RALYL: variants seen among roughly 807,000 people sequenced by gnomAD.
RALYL encodes RALY RNA binding protein like, also known as RNA-binding Raly-like protein.
A neutral mutation model predicts 35.1 loss-of-function variants in RALYL; 29 were observed. The ratio of observed to expected loss-of-function variants is 0.83; its 90% confidence interval spans 0.61 to 1.13. The LOEUF (loss-of-function observed/expected upper bound fraction) is 1.13. RALYL is among the 50% of genes most tolerant of loss of function. RALYL has a pLI of 0.00. For synonymous variants in RALYL, 120 were observed against 127.6 expected (o/e 0.94, Z 0.40); for missense variants, 359 against 360.4 (o/e 1.00, Z 0.03).
chr8:84,705,153 G>T (rs1339428645), intron 2 of RALYL, among the ~76,000 whole-genome samples: 1 of 152,162 alleles, frequency 6.6e-6, no homozygotes, highest in Admixed American at 6.5e-5. Flanking sequence ...TGAATGCCAG[G>T]CATTGCTCTC....
At chr8:84,246,247 C>G (rs1004776545) in intron 1 of RALYL, among the ~76,000 whole-genome samples, 2 of 152,058 alleles carry the variant, frequency 1.3e-5, no homozygotes, top group African/African-American at 4.8e-5. Flanking sequence ...TACTTTTCCC[C>G]CACTTTCACG....
At chr8:84,252,336 G>C (rs921261583) in intron 1 of RALYL, among the ~76,000 whole-genome samples, 3 of 151,982 alleles carry the variant, frequency 2.0e-5, no homozygotes, top group Non-Finnish European at 4.4e-5. Flanking sequence ...TATTATATCA[G>C]AAATCAAATT....
At chr8:84,674,008 G>A (rs1011261192) in intron 2 of RALYL, among the ~76,000 whole-genome samples, 1 of 152,152 alleles carries the variant, frequency 6.6e-6, no homozygotes, top group Non-Finnish European at 1.5e-5. Flanking sequence ...TCCTGTCCAT[G>A]AATATGGGAT....
At chr8:84,486,930 T>C (rs2054695313) in intron 1 of RALYL, among the ~76,000 whole-genome samples, 2 of 152,050 alleles carry the variant, frequency 1.3e-5, no homozygotes, top group African/African-American at 2.4e-5. Context: ...AATCGATTCA[T>C]CTTGTATCAT....
intron 1 of RALYL, among the ~76,000 whole-genome samples, chr8:84,498,977 A>T (rs557824195): frequency 2.6e-5 from 4 of 152,288 alleles, no homozygotes; most frequent in Non-Finnish European, 4.4e-5. Flanking sequence ...TTTGGAAGTT[A>T]TTCCCTTGGA....
chr8:84,624,261 C>T (rs1436514447), intron 2 of RALYL, among the ~76,000 whole-genome samples: 1 of 152,208 alleles, frequency 6.6e-6, no homozygotes, highest in Non-Finnish European at 1.5e-5. Flanking sequence ...ATTACCACAA[C>T]TGAGCTGCTA....
intron 1 of RALYL, among the ~76,000 whole-genome samples, chr8:84,426,384 A>G (rs1280914061): frequency 6.7e-6 from 1 of 148,470 alleles, no homozygotes; most frequent in East Asian, 2.0e-4. Context: ...ACATCTCCCC[A>G]TTCCTCCTGC....
intron 2 of RALYL, among the ~76,000 whole-genome samples, chr8:84,695,620 A>G (rs1050529286): frequency 6.6e-5 from 10 of 151,808 alleles, no homozygotes; most frequent in Non-Finnish European, 1.0e-4. Flanking sequence ...GTCCCCTTGT[A>G]TCTTGGACAA....
At chr8:84,682,474 C>G (rs975677950) in intron 2 of RALYL, among the ~76,000 whole-genome samples, 1 of 152,198 alleles carries the variant, frequency 6.6e-6, no homozygotes, top group East Asian at 1.9e-4. Flanking sequence ...TGGTCCTGGA[C>G]GTTTTTTGGT....
At chr8:84,395,096 T>C (rs562704568) in intron 1 of RALYL, among the ~76,000 whole-genome samples, 6 of 151,906 alleles carry the variant, frequency 3.9e-5, no homozygotes, top group Non-Finnish European at 5.9e-5. Flanking sequence ...AGACAATTGC[T>C]GACCCATTTA....
intron 8 of RALYL, among the ~76,000 whole-genome samples, chr8:84,913,060 A>G (rs1298732446): frequency 1.3e-4 from 20 of 151,670 alleles, no homozygotes; most frequent in African/African-American, 4.4e-4. Flanking sequence ...AGATAGATAG[A>G]TAGATAGATA....
At chr8:84,620,502 G>T (rs1287400661) in intron 2 of RALYL, among the ~76,000 whole-genome samples, 8 of 151,916 alleles carry the variant, frequency 5.3e-5, no homozygotes, top group South Asian at 2.1e-4. Flanking sequence ...CTTCTAAATT[G>T]TTTTCAAAGT....
chr8:84,398,254 T>C (rs1042302098), intron 1 of RALYL, among the ~76,000 whole-genome samples: 6 of 152,132 alleles, frequency 3.9e-5, no homozygotes, highest in African/African-American at 1.4e-4. Context: ...CTTTGAACAT[T>C]CCATCCACTT....
chr8:84,440,871 T>G (rs908678562), intron 1 of RALYL, among the ~76,000 whole-genome samples: 3 of 151,984 alleles, frequency 2.0e-5, no homozygotes, highest in African/African-American at 7.2e-5. Context: ...TCATTTAACT[T>G]GATTTAATCT....
chr8:84,387,803 C>CTTTTTTTTTTTTTT (rs112006834), intron 1 of RALYL, among the ~76,000 whole-genome samples: 1 of 135,522 alleles, frequency 7.4e-6, no homozygotes, highest in African/African-American at 2.7e-5. Flanking sequence ...TTCTTTCTTT[C>CTTTTTTTTTTTTTT]TTTTTTTTTT....
chr8:84,692,598 G>A (rs1838286317), intron 2 of RALYL, among the ~76,000 whole-genome samples: 1 of 151,942 alleles, frequency 6.6e-6, no homozygotes, highest in African/African-American at 2.4e-5. Context: ...AAATTAATCT[G>A]TAGATTTAGT....
chr8:84,197,711 C>G (rs1223753786), intron 1 of RALYL, among the ~76,000 whole-genome samples: 2 of 150,596 alleles, frequency 1.3e-5, no homozygotes, highest in African/African-American at 4.9e-5. Flanking sequence ...GGGAGGATAG[C>G]TTGAGCCCAG....
intron 1 of RALYL, among the ~76,000 whole-genome samples, chr8:84,486,640 A>G (rs1162390629): frequency 6.6e-6 from 1 of 152,068 alleles, no homozygotes; most frequent in Non-Finnish European, 1.5e-5. Context: ...AACATTTAAT[A>G]TGCAGCTAAA....
At chr8:84,466,978 C>G (rs555857861) in intron 1 of RALYL, among the ~76,000 whole-genome samples, 105 of 152,188 alleles carry the variant, frequency 6.9e-4, no homozygotes, top group African/African-American at 2.0e-3. Flanking sequence ...TCTGTGGGAT[C>G]GGTGGTGATA....
Sources: allele counts gnomAD v4.1 joint callset (sites outside exome capture counted in the v4.1 genomes callset), GRCh38; gene constraint gnomAD v4.1.1; transcripts MANE v1.5; gene names NCBI Gene and HGNC (gene_info 2026-07-23, HGNC 2026-07-21).